POLA1: variants seen among roughly 807,000 people sequenced by gnomAD.
POLA1 encodes the protein DNA polymerase alpha 1, catalytic subunit.
In POLA1, 15 loss-of-function variants were observed where a neutral mutation model predicts 124.0. The observed-to-expected ratio is 0.12, with a 90% CI of 0.08 to 0.19. The LOEUF (loss-of-function observed/expected upper bound fraction) is 0.19. Among genes scored for constraint, POLA1 ranks in the 10% least tolerant of loss-of-function variants. The pLI, the probability that POLA1 is intolerant of heterozygous loss-of-function variation, is 1.00. For missense variants in POLA1, 886 were observed against 1,103.4 expected (o/e 0.80, Z 2.79); for synonymous variants, 408 against 389.4 (o/e 1.05, Z -0.56).
chrX:24,920,582 A>C (rs551568186), intron 35 of POLA1, among the ~76,000 whole-genome samples: 2 of 111,988 alleles, frequency 1.8e-5, no homozygotes, highest in South Asian at 7.5e-4. Flanking sequence ...TAATAAAAGG[A>C]TCAAGGGGCT....
intron 35 of POLA1, among the ~76,000 whole-genome samples, chrX:24,890,489 T>A (rs1016015564): frequency 8.9e-6 from 1 of 112,332 alleles, no homozygotes; most frequent in South Asian, 3.7e-4. Flanking sequence ...AATATTTTTC[T>A]GCTTAAATGA....
chrX:24,835,769 A>G (rs1460113379), intron 32 of POLA1, among the ~76,000 whole-genome samples: 2 of 111,306 alleles, frequency 1.8e-5, no homozygotes, highest in African/African-American at 6.5e-5. Flanking sequence ...TATATTTTCT[A>G]AAATATAAAA....
chrX:24,950,276 A>G (rs769052413), intron 36 of POLA1, among the ~76,000 whole-genome samples: 1 of 112,220 alleles, frequency 8.9e-6, no homozygotes, highest in South Asian at 3.7e-4. Flanking sequence ...AGTGTTCTGT[A>G]TCTGTGCTGT....
intron 24 of POLA1, among the ~76,000 whole-genome samples, chrX:24,746,543 TC>T (rs1932013939): frequency 8.9e-6 from 1 of 112,128 alleles, no homozygotes; most frequent in South Asian, 3.7e-4. Context: ...AATTTATAGA[TC>T]TGAATCATTT....
intron 35 of POLA1, among the ~76,000 whole-genome samples, chrX:24,894,001 T>A (rs1247952467): frequency 9.0e-6 from 1 of 111,507 alleles, no homozygotes; most frequent in African/African-American, 3.3e-5. Context: ...TCAATGCCCA[T>A]GTTATGAGAG....
At chrX:24,885,906 C>T (rs1406005644) in intron 34 of POLA1, among the ~76,000 whole-genome samples, 2 of 112,254 alleles carry the variant, frequency 1.8e-5, no homozygotes, top group African/African-American at 3.2e-5. Context: ...AACTAAAGTA[C>T]ATTATTAAGC....
chrX:24,884,244 G>A (rs1015668128), intron 34 of POLA1, among the ~76,000 whole-genome samples: 1 of 111,151 alleles, frequency 9.0e-6, no homozygotes, highest in Admixed American at 9.6e-5. Flanking sequence ...GACTTCCTGG[G>A]CTCCAGCCAT....
chrX:24,765,320 CAG>C (rs1932877998), intron 26 of POLA1, among the ~76,000 whole-genome samples: 1 of 99,005 alleles, frequency 1.0e-5, no homozygotes, highest in Non-Finnish European at 2.0e-5. Flanking sequence ...TTTTTTGAGA[CAG>C]AGTCTTGCTC....
intron 25 of POLA1, 26 bp downstream of exon 25, chrX:24,748,486 T>TGA (rs772288007): frequency 9.0e-7 from 1 of 1,115,239 alleles, no homozygotes; most frequent in Non-Finnish European, 1.2e-6. Context: ...AAGAAACATT[T>TGA]GAGTGACAGT....
intron 35 of POLA1, among the ~76,000 whole-genome samples, chrX:24,911,112 G>C (rs2047443030): frequency 8.9e-6 from 1 of 112,197 alleles, no homozygotes; most frequent in Admixed American, 9.4e-5. Context: ...AAATTAAACA[G>C]CACACTTCTC....
At position 24,996,777 on chromosome X, in the gene POLA1, T is replaced by C. The variant is rs940725420; in HGVS notation, c.*827T>C. On this transcript the variant is annotated 3_prime_UTR_variant, in exon 37 of 37. Transcript: ENST00000379068. ...CTGGCGCTTGCTATTTTTTTCTCAT[T>C]TCTTCACAATAGGACCGTCTTTGGC... The C allele has an allele frequency of 2.7e-5, 3 of 111,927 alleles. No individual in the cohort carries two copies. The highest frequency in any genetic ancestry group is 9.5e-5 in the Admixed American group (1 of 10,515). 9.2% of individuals were successfully genotyped at this position (111,927 alleles called of 1,213,427 possible).
chrX:24,787,539 T>C (rs749549840), intron 26 of POLA1, among the ~76,000 whole-genome samples: 29 of 112,140 alleles, frequency 2.6e-4, no homozygotes, highest in African/African-American at 8.1e-4. Context: ...CAAGGGTTTA[T>C]TTCTGGGTTC....
intron 36 of POLA1, among the ~76,000 whole-genome samples, chrX:24,941,524 A>G (rs1020658990): frequency 8.9e-6 from 1 of 112,733 alleles, no homozygotes; most frequent in Non-Finnish European, 1.9e-5. Context: ...CCAGGCCAAG[A>G]ACTGATGTTG....
chrX:24,732,343 G>T (rs749975710), intron 15 of POLA1, 27 bp from the exon 16 acceptor site: 1 of 982,949 alleles, frequency 1.0e-6, no homozygotes, highest in Non-Finnish European at 1.5e-6. Flanking sequence ...GGTCTGGTAA[G>T]TGGGTTTTTT....
rs138100764 is a variant in POLA1, at chrX:24,981,815, A to G, written c.4262-13990A>G. Reference sequence around the variant, plus strand: ...GTTTGACAAATGATTGACGGAACTCACTAGGTTTTTGCTTCATCAGAACAA... The same window carrying G: ...GTTTGACAAATGATTGACGGAACTCGCTAGGTTTTTGCTTCATCAGAACAA... On this transcript the variant is annotated intron_variant, in intron 36 of 36. Coordinates refer to ENST00000379068, the MANE Select transcript of POLA1 (RefSeq NM_001330360.2). Among the ~76,000 whole-genome samples, 759 of 112,378 alleles carry G rather than the reference A, an allele frequency of 6.8e-3. 2 individuals are homozygous for G. The highest frequency in any genetic ancestry group is 0.023 in the African/African-American group (714 of 30,928).
intron 10 of POLA1, among the ~76,000 whole-genome samples, chrX:24,719,016 A>G (rs1038111125): frequency 2.7e-5 from 3 of 112,063 alleles, no homozygotes; most frequent in Non-Finnish European, 3.8e-5. Context: ...GCCCGTCTTC[A>G]TTGTGGGACT....
intron 36 of POLA1, among the ~76,000 whole-genome samples, chrX:24,935,638 CT>C (rs1205813757): frequency 3.6e-5 from 4 of 111,601 alleles, no homozygotes; most frequent in Non-Finnish European, 5.7e-5. Flanking sequence ...GCTTTCTTTT[CT>C]TTTTTTTTCC....
chrX:24,800,682 A>C (rs766632631), intron 26 of POLA1, among the ~76,000 whole-genome samples: 242 of 112,390 alleles, frequency 2.2e-3, no homozygotes, highest in Middle Eastern at 4.6e-3. Context: ...ATGTTGTGAA[A>C]GGAAGGTTTC....
intron 26 of POLA1, among the ~76,000 whole-genome samples, chrX:24,768,784 C>G (rs932952518): frequency 8.9e-6 from 1 of 112,014 alleles, no homozygotes; most frequent in African/African-American, 3.2e-5. Context: ...TTTTAGGATT[C>G]TGCACGGTGA....
Sources: allele counts gnomAD v4.1 joint callset (sites outside exome capture counted in the v4.1 genomes callset), GRCh38; gene constraint gnomAD v4.1.1; transcripts MANE v1.5; gene names NCBI Gene and HGNC (gene_info 2026-07-23, HGNC 2026-07-21).